NSMCE2: variants seen among roughly 807,000 people sequenced by gnomAD.
NSMCE2 encodes the protein E3 SUMO-protein ligase NSE2.
NSMCE2 carries 24 observed loss-of-function variants against 23.8 expected under a neutral mutation model. That is an observed-to-expected ratio of 1.01 (90% CI 0.73 to 1.42). The LOEUF (loss-of-function observed/expected upper bound fraction) is 1.42. Ranked by LOEUF, NSMCE2 falls within the 40% of genes most tolerant of loss-of-function variation. The pLI, the probability that NSMCE2 is intolerant of heterozygous loss-of-function variation, is 0.00. For synonymous variants in NSMCE2, 92 were observed against 94.1 expected, an observed-to-expected ratio of 0.98 and a Z score of 0.13; for missense variants, 284 against 296.5, an observed-to-expected ratio of 0.96 and a Z score of 0.31.
intron 5 of NSMCE2, among the ~76,000 whole-genome samples, chr8:125,198,771 C>T (rs1358517379): frequency 6.6e-6 from 1 of 152,156 alleles, no homozygotes; most frequent in Non-Finnish European, 1.5e-5. Context: ...GGTACCAGCT[C>T]CTCTTTGTAC....
intron 7 of NSMCE2, among the ~76,000 whole-genome samples, chr8:125,362,664 C>T (rs931854516): frequency 6.6e-6 from 1 of 152,188 alleles, no homozygotes; most frequent in Non-Finnish European, 1.5e-5. Flanking sequence ...GTGACACAGC[C>T]AGGGGGTTTA....
chr8:125,243,497 T>A (rs1825836319), intron 5 of NSMCE2, among the ~76,000 whole-genome samples: 2 of 133,312 alleles, frequency 1.5e-5, no homozygotes, highest in Admixed American at 1.4e-4. Context: ...AAATAATAAT[T>A]TTTTAAAAAA....
At chr8:125,324,468 CA>C (rs71295840) in intron 5 of NSMCE2, among the ~76,000 whole-genome samples, 51,356 of 106,236 alleles carry the variant, frequency 0.48, 12,011 homozygotes, top group East Asian at 0.57. Flanking sequence ...TACTACTCAG[CA>C]AAAAAAAAAA....
intron 5 of NSMCE2, among the ~76,000 whole-genome samples, chr8:125,290,777 G>C (rs1173996415): frequency 6.6e-6 from 1 of 151,368 alleles, no homozygotes; most frequent in Non-Finnish European, 1.5e-5. Context: ...GCTATCATGA[G>C]TTAGACAGAC....
chr8:125,272,356 T>G lies in NSMCE2; in HGVS notation c.419-84863T>G, dbSNP rs914672123. 2.0e-5 allele frequency among the ~76,000 whole-genome samples: 3 copies of G among 151,814 alleles called. No individual in the cohort carries two copies. In the Admixed American group the frequency reaches 2.0e-4, roughly 10 times the overall value. ...TTTTATCACACTTACACTAGAAGTT[T>G]AATGTCCATCTTATTATGTCACGTT... On this transcript the variant is annotated intron_variant, in intron 5 of 7. Transcript: ENST00000287437.
At chr8:125,365,142 A>G (rs4871588) in intron 7 of NSMCE2, among the ~76,000 whole-genome samples, 137,899 of 151,886 alleles carry the variant, frequency 0.91, 62,773 homozygotes, top group African/African-American at 0.98. Flanking sequence ...TCTCTCTTCT[A>G]GGAGGGCTAC....
chr8:125,256,052 G>C (rs1024440472), intron 5 of NSMCE2, among the ~76,000 whole-genome samples: 1 of 152,168 alleles, frequency 6.6e-6, no homozygotes, highest in African/African-American at 2.4e-5. Flanking sequence ...GGGAGGCTGA[G>C]GCAGGTGGAT....
At chr8:125,323,679 C>T (rs541688935) in intron 5 of NSMCE2, among the ~76,000 whole-genome samples, 135 of 152,278 alleles carry the variant, frequency 8.9e-4, no homozygotes, top group African/African-American at 3.1e-3. Flanking sequence ...TAAAAATTAA[C>T]TCAAAGTGGA....
chr8:125,135,456 T>C (rs1368359129), intron 3 of NSMCE2, among the ~76,000 whole-genome samples: 2 of 152,200 alleles, frequency 1.3e-5, no homozygotes, highest in Non-Finnish European at 2.9e-5. Flanking sequence ...AAGAAATCTT[T>C]ATCTAACCCA....
chr8:125,159,817 G>A (rs776643186), intron 4 of NSMCE2, among the ~76,000 whole-genome samples: 1 of 152,056 alleles, frequency 6.6e-6, no homozygotes, highest in Non-Finnish European at 1.5e-5. Context: ...AAAATCGGCT[G>A]GGTGTGGTGG....
At chr8:125,293,188 T>C (rs1828183597) in intron 5 of NSMCE2, among the ~76,000 whole-genome samples, 1 of 152,196 alleles carries the variant, frequency 6.6e-6, no homozygotes, top group African/African-American at 2.4e-5. Context: ...ACTATTATAC[T>C]CATGTCCGGG....
At chr8:125,210,613 T>C (rs1824288443) in intron 5 of NSMCE2, among the ~76,000 whole-genome samples, 1 of 152,206 alleles carries the variant, frequency 6.6e-6, no homozygotes, top group Non-Finnish European at 1.5e-5. Context: ...CTTTTCAGCC[T>C]AAAAATTGCC....
At chr8:125,309,248 CAAAAAA>C (rs111355815) in intron 5 of NSMCE2, among the ~76,000 whole-genome samples, 1 of 65,524 alleles carries the variant, frequency 1.5e-5, no homozygotes, top group Non-Finnish European at 3.7e-5. Flanking sequence ...AACTCTGTCT[CAAAAAA>C]AAAAAAAAAA....
Position 125,314,392 on chromosome 8 carries a change from C to T in NSMCE2, c.419-42827C>T, listed in dbSNP as rs183874261. On this transcript the variant is annotated intron_variant, in intron 5 of 7. Transcript: ENST00000287437. ...ACAACCTCCACCTCCCAGATTCAAG[C>T]GATTCTCCTGCCTCAGCCTCCCAAG... Among the ~76,000 whole-genome samples the T allele has an allele frequency of 7.9e-5, 12 of 152,292 alleles. No homozygotes were observed. The East Asian group carries it at 1.7e-3, about 22-fold the overall frequency.
chr8:125,219,931 A>G (rs1484518224), intron 5 of NSMCE2, among the ~76,000 whole-genome samples: 4 of 152,176 alleles, frequency 2.6e-5, no homozygotes, highest in Non-Finnish European at 4.4e-5. Context: ...TTCTTTCCTA[A>G]TACAGTGAGG....
In NSMCE2 at chr8:125,357,196, A is replaced by T. The variant is rs753633865; in HGVS notation, c.419-23A>T. The T allele has an allele frequency of 1.8e-5, 26 of 1,461,628 alleles. No individual in the cohort carries two copies. The Admixed American group carries it at 4.4e-4, about 25-fold the overall frequency. The allele number at this position is 1,461,628 out of a possible 1,614,324, so 90.5% of individuals were successfully genotyped here. On this transcript the variant is annotated intron_variant, in intron 5 of 7. Transcript: ENST00000287437. Reference sequence around the variant, plus strand: ...CTTTGACGTTAGACCAGAGAGGCTTATCAACTCTCCATTTTCCTCTAGGTG... The same window carrying T: ...CTTTGACGTTAGACCAGAGAGGCTTTTCAACTCTCCATTTTCCTCTAGGTG...
chr8:125,129,029 T>C (rs1819635770), intron 3 of NSMCE2, among the ~76,000 whole-genome samples: 1 of 152,124 alleles, frequency 6.6e-6, no homozygotes, highest in South Asian at 2.1e-4. Context: ...ACAGAGGAAA[T>C]AAATTTAGTT....
intron 5 of NSMCE2, among the ~76,000 whole-genome samples, chr8:125,299,027 T>C (rs1392769965): frequency 6.6e-6 from 1 of 152,242 alleles, no homozygotes; most frequent in Non-Finnish European, 1.5e-5. Flanking sequence ...ATTTCAGGAA[T>C]AGTTGATGCT....
At chr8:125,167,883 CAG>C (rs1821976159) in intron 4 of NSMCE2, among the ~76,000 whole-genome samples, 1 of 151,808 alleles carries the variant, frequency 6.6e-6, no homozygotes, top group African/African-American at 2.4e-5. Context: ...AAAGGGTAGA[CAG>C]AACTTTAATC....
Sources: allele counts gnomAD v4.1 joint callset (sites outside exome capture counted in the v4.1 genomes callset), GRCh38; gene constraint gnomAD v4.1.1; transcripts MANE v1.5; gene names NCBI Gene and HGNC (gene_info 2026-07-23, HGNC 2026-07-21).